Variants in USP53 observed in about 807,000 individuals in gnomAD.
USP53 encodes ubiquitin specific peptidase 53.
A neutral mutation model predicts 94.9 loss-of-function variants in USP53; 71 were observed. That is an observed-to-expected ratio of 0.75 (90% CI 0.62 to 0.91). USP53 has a LOEUF of 0.91. USP53 is among the 40% of genes least tolerant of loss of function. The pLI is 0.00. For missense variants in USP53, 1,173 were observed against 1,281.0 expected (o/e 0.92, Z 1.29); for synonymous variants, 375 against 422.7 (o/e 0.89, Z 1.39).
intron 5 of USP53, among the ~76,000 whole-genome samples, chr4:119,244,454 T>C (rs1164479335): frequency 6.6e-6 from 1 of 152,192 alleles, no homozygotes; most frequent in East Asian, 1.9e-4. Context: ...AGGACACGAC[T>C]AAAAGAGAAA....
intron 7 of USP53, among the ~76,000 whole-genome samples, chr4:119,255,948 A>C (rs1427902239): frequency 6.6e-6 from 1 of 152,170 alleles, no homozygotes; most frequent in African/African-American, 2.4e-5. Context: ...ACTGTTTTCT[A>C]ATATTAAATT....
chr4:119,252,066 C>T (rs1749084688), intron 7 of USP53, among the ~76,000 whole-genome samples: 1 of 152,192 alleles, frequency 6.6e-6, no homozygotes, highest in South Asian at 2.1e-4. Context: ...ACCAGCCTTG[C>T]ATCAGAGGGA....
rs180874106 is a variant in USP53 at position 119,241,434 on chromosome 4, G to A, written c.144+1531G>A. Reference sequence around the variant, plus strand: ...TTGGTGATGAATTCTTTCAGCTTTTGTATGTCTGAAAAAGATCTGTATTTC... The same window carrying A: ...TTGGTGATGAATTCTTTCAGCTTTTATATGTCTGAAAAAGATCTGTATTTC... On this transcript the variant is annotated intron_variant, in intron 5 of 18. Transcript: ENST00000692078. 3.3e-5 allele frequency among the ~76,000 whole-genome samples: 5 copies of A among 151,986 alleles called. No homozygotes were observed. The East Asian group carries it at 9.7e-4, about 29-fold the overall frequency.
rs1754955400 is a variant in USP53, at chr4:119,293,115, T to C, written c.3126T>C (p.Asp1042=). 7 of 1,613,940 alleles carry C rather than the reference T, an allele frequency of 4.3e-6. No individual in the cohort carries two copies. Among genetic ancestry groups the C allele is most frequent in the East Asian group, 2.2e-5 (1 of 44,878 alleles). The part of the protein sequence containing the change: ...TVSLTTYFSV[D]SCMTDTYRLK... ...CATTAACTACCTATTTTTCAGTTGATAGCTGCATGACGGATACATATAGAT... is the reference window on the plus strand; with the variant it reads ...CATTAACTACCTATTTTTCAGTTGACAGCTGCATGACGGATACATATAGAT... The change falls in exon 19 of 19, where the codon GAT becomes GAC. Residue 1042 remains aspartate, a synonymous_variant. Transcript: ENST00000692078.
At chr4:119,236,112 G>T (rs1746707784) in intron 4 of USP53, among the ~76,000 whole-genome samples, 1 of 152,286 alleles carries the variant, frequency 6.6e-6, no homozygotes, top group Non-Finnish European at 1.5e-5. Context: ...ATACCACTGA[G>T]GTATTGCAGG....
chr4:119,250,128 C>T (rs1282427429), intron 7 of USP53, among the ~76,000 whole-genome samples: 1 of 152,124 alleles, frequency 6.6e-6, no homozygotes, highest in Non-Finnish European at 1.5e-5. Context: ...CTAGATTTTT[C>T]TTCCTAGTGA....
chr4:119,264,738 G>GA (rs1750909003), intron 12 of USP53, among the ~76,000 whole-genome samples: 1 of 152,156 alleles, frequency 6.6e-6, no homozygotes, highest in South Asian at 2.1e-4. Context: ...CCACAAAATT[G>GA]AACATTCACT....
intron 3 of USP53, among the ~76,000 whole-genome samples, chr4:119,225,331 A>C (rs1214418667): frequency 6.6e-6 from 1 of 152,372 alleles, no homozygotes; most frequent in East Asian, 1.9e-4. Context: ...TTCTAGGCCC[A>C]GATAGTGCTA....
At position 119,214,220 on chromosome 4, in the gene USP53, G is replaced by C. The variant is rs1285114653; in HGVS notation, c.-791G>C. 6.6e-6 allele frequency: 1 copy of C among 151,744 alleles called. No homozygotes were observed. 9.4% of individuals were successfully genotyped at this position (151,744 alleles called of 1,614,324 possible). ...ATAAGAATTCCAAATAGACAAACTC[G>C]GTGTAAGTAGGAGTTAATTATAGTC... On this transcript the variant is annotated splice_region_variant and 5_prime_UTR_variant, in exon 2 of 19. Coordinates refer to ENST00000692078, the MANE Select transcript of USP53 (RefSeq NM_001371395.1).
intron 16 of USP53, chr4:119,272,807 G>A (rs1322438428): frequency 6.6e-6 from 1 of 152,152 alleles, no homozygotes; most frequent in Non-Finnish European, 1.5e-5. Flanking sequence ...TCATGGAAGA[G>A]ATATTTTCCC....
chr4:119,245,368 G>T lies in USP53; in HGVS notation c.176G>T (p.Ser59Ile), dbSNP rs759806487. 6.2e-7 allele frequency: 1 copy of T among 1,613,882 alleles called. No individual in the cohort carries two copies. Among genetic ancestry groups the T allele is most frequent in the Non-Finnish European group, 8.5e-7 (1 of 1,179,898 alleles). ...VLWQLDIFRR[S>I]LRVLTGHVCQ... ...TGGCAATTGGATATATTCCGACGAA[G>T]CTTGCGGGTTTTGACTGGACATGTT... Residue 59 changes from serine (S) to isoleucine (I), a missense_variant, in exon 6 of 19, where the codon AGC (serine) becomes ATC (isoleucine). Ser to Ile is a moderately radical substitution (Grantham distance 142, BLOSUM62 -2). Transcript: ENST00000692078.
At chr4:119,281,179 C>T (rs1032178791) in intron 17 of USP53, among the ~76,000 whole-genome samples, 2 of 152,048 alleles carry the variant, frequency 1.3e-5, no homozygotes, top group Non-Finnish European at 2.9e-5. Flanking sequence ...GATATTTGAA[C>T]GTATACAGGA....
chr4:119,213,028 T>C (rs1376183041), intron 1 of USP53, among the ~76,000 whole-genome samples, 155 bp downstream of exon 1: 1 of 151,912 alleles, frequency 6.6e-6, no homozygotes, highest in Non-Finnish European at 1.5e-5. Flanking sequence ...ACACACACAC[T>C]CTCTTTGCTG....
chr4:119,244,470 A>G (rs2149338430), intron 5 of USP53, among the ~76,000 whole-genome samples: 1 of 152,298 alleles, frequency 6.6e-6, no homozygotes, highest in Non-Finnish European at 1.5e-5. Flanking sequence ...AGAAATTTGA[A>G]GATCTTATTT....
intron 6 of USP53, among the ~76,000 whole-genome samples, chr4:119,246,660 T>C (rs1181106153): frequency 6.6e-6 from 1 of 152,170 alleles, no homozygotes; most frequent in Non-Finnish European, 1.5e-5. Flanking sequence ...GATCGTGGCT[T>C]TTTCTCTGAG....
chr4:119,268,384 C>T lies in USP53; in HGVS notation c.1252C>T (p.Arg418Trp). ...FPTDNISSSN[R>W]SHSHTGVGKG... ...AACTGATAATATTTCATCATCTAAT[C>T]GGAGCCACAGTCACACAGGTGTAGG... Residue 418 changes from arginine (R) to tryptophan (W), a missense_variant, in exon 14 of 19, where the codon CGG (arginine) becomes TGG (tryptophan). Coordinates refer to ENST00000692078, the MANE Select transcript of USP53 (RefSeq NM_001371395.1). The T allele has an allele frequency of 2.5e-6, 4 of 1,613,826 alleles. No homozygotes were observed. Among genetic ancestry groups the T allele is most frequent in the Admixed American group, 1.7e-5 (1 of 59,990 alleles).
At chr4:119,227,081 C>G (rs1251960319) in intron 3 of USP53, among the ~76,000 whole-genome samples, 2 of 152,172 alleles carry the variant, frequency 1.3e-5, no homozygotes, top group Admixed American at 1.3e-4. Flanking sequence ...ATCCTCCCAC[C>G]TCAGCCTCTC....
rs143282220 is a variant in USP53 at position 119,255,855 on chromosome 4, G to A, written c.373-391G>A. 2.5e-3 allele frequency among the ~76,000 whole-genome samples: 374 copies of A among 152,266 alleles called. 3 individuals carry two copies. The highest frequency in any genetic ancestry group is 8.7e-3 in the African/African-American group (363 of 41,538). ...TCAGTCTCACTGGGAGCTGTAGACCGGAGCTGTTCCTATTCAGCCATCCAG... is the reference window on the plus strand; with the variant it reads ...TCAGTCTCACTGGGAGCTGTAGACCAGAGCTGTTCCTATTCAGCCATCCAG... On this transcript the variant is annotated intron_variant, in intron 7 of 18. Transcript: ENST00000692078.
At chr4:119,214,764 T>C (rs1424801348) in intron 2 of USP53, among the ~76,000 whole-genome samples, 1 of 152,212 alleles carries the variant, frequency 6.6e-6, no homozygotes, top group Non-Finnish European at 1.5e-5. Context: ...TACAAGTTTG[T>C]TTTAGCAAGA....
Sources: allele counts gnomAD v4.1 joint callset (sites outside exome capture counted in the v4.1 genomes callset), GRCh38; gene constraint gnomAD v4.1.1; transcripts MANE v1.5; gene names NCBI Gene and HGNC (gene_info 2026-07-23, HGNC 2026-07-21).